DSCAML1: variants seen among roughly 807,000 people sequenced by gnomAD.
The protein encoded by DSCAML1 is cell adhesion molecule DSCAML1.
In DSCAML1, 38 loss-of-function variants were observed where a neutral mutation model predicts 200.5. The ratio of observed to expected loss-of-function variants is 0.19; its 90% CI spans 0.15 to 0.25. The LOEUF is 0.25. Among genes scored for constraint, DSCAML1 ranks in the 10% least tolerant of loss-of-function variants. The pLI is 1.00. For missense variants in DSCAML1, 2,223 were observed against 2,858.8 expected (o/e 0.78, Z 5.07); for synonymous variants, 1,215 against 1,165.0 (o/e 1.04, Z -0.87).
At chr11:117,637,172 G>A (rs2052306585) in intron 3 of DSCAML1, among the ~76,000 whole-genome samples, 3 of 152,066 alleles carry the variant, frequency 2.0e-5, no homozygotes, top group African/African-American at 4.8e-5. Context: ...CAAGACTGGG[G>A]TTGAAGGCTA....
At chr11:117,465,325 T>C (rs935677807) in intron 16 of DSCAML1, 143 bp from the exon 17 acceptor site, 20 of 1,143,054 alleles carry the variant, frequency 1.7e-5, no homozygotes, top group Non-Finnish European at 2.3e-5. Context: ...CCAAAGTCCT[T>C]ACAATGGCTA....
chr11:117,438,388 C>T (rs1057305372), intron 24 of DSCAML1, among the ~76,000 whole-genome samples: 2 of 152,080 alleles, frequency 1.3e-5, no homozygotes, highest in East Asian at 1.9e-4. Flanking sequence ...GGGAGAAAAC[C>T]AGAGTTGTGA....
At chr11:117,542,331 A>AC (rs1270400521) in intron 3 of DSCAML1, among the ~76,000 whole-genome samples, 6 of 146,110 alleles carry the variant, frequency 4.1e-5, no homozygotes, top group South Asian at 2.1e-4. Flanking sequence ...ACAAAACACA[A>AC]AAACAACAAC....
chr11:117,433,092 G>C (rs778217909), intron 29 of DSCAML1, 46 bp downstream of exon 29: 1 of 1,550,594 alleles, frequency 6.4e-7, no homozygotes, highest in Non-Finnish European at 8.9e-7. Flanking sequence ...GTAGCCTGGG[G>C]AAGCACACCC....
chr11:117,651,479 G>A (rs1344934769), intron 3 of DSCAML1, among the ~76,000 whole-genome samples: 1 of 151,990 alleles, frequency 6.6e-6, no homozygotes, highest in Non-Finnish European at 1.5e-5. Context: ...GCCGAGGCGG[G>A]CAGATCACGA....
chr11:117,446,711 A>G (rs760464138), intron 20 of DSCAML1, among the ~76,000 whole-genome samples: 9 of 152,236 alleles, frequency 5.9e-5, no homozygotes, highest in Non-Finnish European at 1.3e-4. Context: ...GCAAAGGACA[A>G]TACTGTTGGC....
rs1462413863 is a variant in DSCAML1 at position 117,814,272 on chromosome 11, A to G, written c.-250+3118T>C. Among the ~76,000 whole-genome samples, 4 of 152,300 alleles carry G rather than the reference A, an allele frequency of 2.6e-5. No individual in the cohort carries two copies. In the East Asian group the frequency reaches 7.7e-4, roughly 29 times the overall value. ...GCCCGCCTGCACCCAGGTGAAATAA[A>G]CAGCCATGTTGCTCACACAAAGCCT... On this transcript the variant is annotated intron_variant, in intron 1 of 2. Transcript: ENST00000525836.
chr11:117,479,210 T>TA (rs2048858962), intron 14 of DSCAML1, among the ~76,000 whole-genome samples: 1 of 152,212 alleles, frequency 6.6e-6, no homozygotes, highest in African/African-American at 2.4e-5. Context: ...ACTGCCGTGC[T>TA]AAGTGGGAGA....
At chr11:117,578,231 G>C (rs2050982289) in intron 3 of DSCAML1, among the ~76,000 whole-genome samples, 1 of 72,702 alleles carries the variant, frequency 1.4e-5, no homozygotes, top group Non-Finnish European at 2.5e-5. Context: ...GCGAAACTCT[G>C]TCTCGAAAAA....
intron 3 of DSCAML1, among the ~76,000 whole-genome samples, chr11:117,684,268 T>A (rs2053363342): frequency 6.6e-6 from 1 of 151,722 alleles, no homozygotes; most frequent in East Asian, 1.9e-4. Flanking sequence ...TTTGTATGGA[T>A]CTTTCCCTTC....
intron 3 of DSCAML1, among the ~76,000 whole-genome samples, chr11:117,543,522 A>C (rs2050312058): frequency 6.6e-6 from 1 of 152,096 alleles, no homozygotes; most frequent in African/African-American, 2.4e-5. Context: ...GCACAGGCTG[A>C]TGGGGCATTG....
At chr11:117,716,483 G>T (rs1443293377) in intron 3 of DSCAML1, among the ~76,000 whole-genome samples, 4 of 152,152 alleles carry the variant, frequency 2.6e-5, no homozygotes, top group Non-Finnish European at 4.4e-5. Context: ...TACTGTCCCT[G>T]AGACACACTG....
rs1296095168 is a variant in DSCAML1, at chr11:117,431,169, G to A, written c.5375-136C>T. ...GAGGGCACCAGGCTGAGAAGATCCC[G>A]TGAAGGTGGCAGTGGTGGCAGAAGT... On this transcript the variant is annotated intron_variant, in intron 31 of 32. Transcript: ENST00000651296. 4.5e-5 allele frequency: 38 copies of A among 852,202 alleles called. No individual in the cohort carries two copies. The East Asian group carries it at 5.6e-4, about 13-fold the overall frequency. The allele number at this position is 852,202 out of a possible 1,614,324, so 52.8% of individuals were successfully genotyped here.
chr11:117,563,478 CT>C (rs1317141741), intron 3 of DSCAML1, among the ~76,000 whole-genome samples: 2 of 152,114 alleles, frequency 1.3e-5, no homozygotes, highest in Non-Finnish European at 2.9e-5. Context: ...AGCCCCTCTG[CT>C]TGTGAAGGTT....
intron 3 of DSCAML1, among the ~76,000 whole-genome samples, chr11:117,721,815 T>A (rs71468707): frequency 0.89 from 129,558 of 146,134 alleles, 58,528 homozygotes; most frequent in East Asian, 0.98. Flanking sequence ...ATATATATTT[T>A]TTTTTTTTTT....
At chr11:117,580,278 G>A (rs2051016664) in intron 3 of DSCAML1, among the ~76,000 whole-genome samples, 1 of 152,220 alleles carries the variant, frequency 6.6e-6, no homozygotes, top group Admixed American at 6.5e-5. Flanking sequence ...TTTGCACATG[G>A]TGAGGACAAG....
At chr11:117,783,771 A>G (rs900043762) in intron 1 of DSCAML1, among the ~76,000 whole-genome samples, 4 of 152,094 alleles carry the variant, frequency 2.6e-5, no homozygotes, top group Non-Finnish European at 5.9e-5. Context: ...ATGGAAGACA[A>G]ATAAAACCAC....
chr11:117,446,355 ACT>A (rs34210765), intron 20 of DSCAML1, among the ~76,000 whole-genome samples: 1,773 of 152,204 alleles, frequency 0.012, 26 homozygotes, highest in African/African-American at 0.041. Context: ...TAAGAGTGAA[ACT>A]CTGTCTCAAA....
intron 3 of DSCAML1, among the ~76,000 whole-genome samples, chr11:117,644,723 T>A (rs1591357107): frequency 6.6e-6 from 1 of 152,160 alleles, no homozygotes; most frequent in Non-Finnish European, 1.5e-5. Flanking sequence ...GGACCCCCCC[T>A]CTGGCAATGT....
Sources: allele counts gnomAD v4.1 joint callset (sites outside exome capture counted in the v4.1 genomes callset), GRCh38; gene constraint gnomAD v4.1.1; transcripts MANE v1.5; gene names NCBI Gene and HGNC (gene_info 2026-07-23, HGNC 2026-07-21).